The following FER1L6 variants were observed in gnomAD, a reference collection of about 807,000 sequenced individuals.
FER1L6 encodes fer-1 like family member 6, also known as fer-1-like protein 6.
A neutral mutation model predicts 219.2 loss-of-function variants in FER1L6; 177 were observed. The ratio of observed to expected loss-of-function variants is 0.81; its 90% CI spans 0.71 to 0.91. The LOEUF (loss-of-function observed/expected upper bound fraction) is 0.91, where lower values mean the gene tolerates loss of function less well. FER1L6 is among the 40% of genes least tolerant of loss of function. The pLI is 0.00. For missense variants in FER1L6, 2,153 were observed against 2,259.9 expected (o/e 0.95, Z 0.96); for synonymous variants, 768 against 824.3 (o/e 0.93, Z 1.17).
intron 1 of FER1L6, among the ~76,000 whole-genome samples, chr8:123,865,810 G>A (rs1444605940): frequency 4.5e-4 from 64 of 143,724 alleles, no homozygotes; most frequent in African/African-American, 1.1e-3. Context: ...GCGCTTCCCA[G>A]GTGAGGCAAT....
At position 124,103,261 on chromosome 8, in the gene FER1L6, A is replaced by G. The variant is rs1382356970; in HGVS notation, c.5241A>G (p.Gln1747=). The change falls in exon 39 of 41, where the codon CAA becomes CAG. Residue 1747 remains glutamine (Q), a synonymous_variant. Transcript: ENST00000522917. The part of the protein sequence containing the change: ...SEETKISIFQ[Q]KRVRGWWPFS... The stretch of plus-strand genomic sequence containing the variant: ...AGACCAAGATCTCTATATTCCAGCA[A>G]AAACGTGTGCGTGGCTGGTGGCCTT... 2 of 1,614,032 alleles carry G rather than the reference A, an allele frequency of 1.2e-6. No homozygotes were observed. The highest frequency in any genetic ancestry group is 1.7e-6 in the Non-Finnish European group (2 of 1,180,016).
Position 123,886,975 on chromosome 8 carries a change from G to A in FER1L6, c.-8+34790G>A, listed in dbSNP as rs73324122. ...AGGGACCCTTCTGGTCTTAAAGCTCGAAACTCACCAGATCCAGACAATGAG... is the reference window on the plus strand; with the variant it reads ...AGGGACCCTTCTGGTCTTAAAGCTCAAAACTCACCAGATCCAGACAATGAG... On this transcript the variant is annotated intron_variant, in intron 1 of 40. Coordinates refer to ENST00000522917, the MANE Select transcript of FER1L6 (RefSeq NM_001039112.2). Among the ~76,000 whole-genome samples, 304 of 152,090 alleles carry A rather than the reference G, an allele frequency of 2.0e-3. 1 individual carries two copies. The highest frequency in any genetic ancestry group is 6.9e-3 in the African/African-American group (285 of 41,474).
intron 18 of FER1L6, among the ~76,000 whole-genome samples, chr8:124,030,583 T>G (rs1449457277): frequency 6.6e-6 from 1 of 152,066 alleles, no homozygotes; most frequent in African/African-American, 2.4e-5. Flanking sequence ...TCAACCTTCC[T>G]CTTCTCCTTG....
At chr8:124,078,801 A>C (rs1821407585) in intron 32 of FER1L6, among the ~76,000 whole-genome samples, 2 of 152,048 alleles carry the variant, frequency 1.3e-5, no homozygotes, top group African/African-American at 2.4e-5. Context: ...TATGGGTATC[A>C]ATCCGGGTTC....
chr8:123,867,859 C>T (rs1191872735), intron 1 of FER1L6, among the ~76,000 whole-genome samples: 3 of 152,170 alleles, frequency 2.0e-5, no homozygotes, highest in Admixed American at 6.5e-5. Context: ...CAGTGGGGTC[C>T]ACTCTCATTA....
intron 21 of FER1L6, among the ~76,000 whole-genome samples, 187 bp from the exon 22 acceptor site, chr8:124,049,420 C>T (rs1819896140): frequency 6.6e-6 from 1 of 152,018 alleles, no homozygotes; most frequent in African/African-American, 2.4e-5. Flanking sequence ...CTTTTAGGAG[C>T]ATGAGTGGAA....
At chr8:124,067,485 C>T (rs1820874754) in intron 27 of FER1L6, among the ~76,000 whole-genome samples, 2 of 152,108 alleles carry the variant, frequency 1.3e-5, no homozygotes, top group Non-Finnish European at 2.9e-5. Context: ...AGTTTGCTTG[C>T]CTCGTGGCTG....
chr8:123,855,453 C>T (rs1317826967), intron 1 of FER1L6, among the ~76,000 whole-genome samples: 1 of 151,824 alleles, frequency 6.6e-6, no homozygotes, highest in Non-Finnish European at 1.5e-5. Context: ...GGAGGGCAGG[C>T]GTAGAGCAGA....
chr8:124,118,900 T>C lies in FER1L6; in HGVS notation c.5346T>C (p.Pro1782=). The C allele has an allele frequency of 6.2e-7, 1 of 1,614,056 alleles. No individual in the cohort carries two copies. The highest frequency in any genetic ancestry group is 1.1e-5 in the South Asian group (1 of 91,082). ...LVTAEEAEKN[P]VGKARKEPEP... ...CAGCAGAAGAAGCTGAGAAAAATCC[T>C]GTTGGAAAAGCCCGAAAGGAGCCAG... Residue 1782 remains proline (P), a synonymous_variant, in exon 40 of 41, where the codon CCT becomes CCC. Coordinates refer to ENST00000522917, the MANE Select transcript of FER1L6 (RefSeq NM_001039112.2).
At chr8:124,074,501 A>C (rs541815063) in intron 31 of FER1L6, among the ~76,000 whole-genome samples, 1 of 151,468 alleles carries the variant, frequency 6.6e-6, no homozygotes, top group South Asian at 2.1e-4. Context: ...CTGATACAAA[A>C]ATTAGTGGGG....
At chr8:123,881,728 C>T (rs936042180) in intron 1 of FER1L6, among the ~76,000 whole-genome samples, 10 of 152,158 alleles carry the variant, frequency 6.6e-5, no homozygotes, top group South Asian at 2.1e-4. Context: ...GGAGCTGAGT[C>T]GGCCTCGTCT....
At chr8:124,007,139 C>A (rs1817692557) in intron 13 of FER1L6, among the ~76,000 whole-genome samples, 1 of 152,194 alleles carries the variant, frequency 6.6e-6, no homozygotes, top group Non-Finnish European at 1.5e-5. Context: ...GCAGAGCAGA[C>A]CACGGGGCAC....
At chr8:123,867,844 C>T (rs943408724) in intron 1 of FER1L6, among the ~76,000 whole-genome samples, 5 of 152,098 alleles carry the variant, frequency 3.3e-5, no homozygotes, top group African/African-American at 1.2e-4. Flanking sequence ...TTACTAAATG[C>T]CCACCAGTGG....
At chr8:124,042,316 A>G (rs1563761430) in intron 20 of FER1L6, among the ~76,000 whole-genome samples, 1 of 152,246 alleles carries the variant, frequency 6.6e-6, no homozygotes, top group Non-Finnish European at 1.5e-5. Flanking sequence ...TTTTAAGCCA[A>G]GTACCTCATT....
intron 2 of FER1L6, 55 bp downstream of exon 2, chr8:123,956,129 C>T: frequency 6.8e-7 from 1 of 1,478,318 alleles, no homozygotes; most frequent in Non-Finnish European, 9.3e-7. Flanking sequence ...CGCAGAGTGA[C>T]CCCTCCGTGG....
intron 39 of FER1L6, among the ~76,000 whole-genome samples, chr8:124,113,640 A>G (rs910621320): frequency 3.9e-5 from 6 of 152,276 alleles, no homozygotes; most frequent in Middle Eastern, 3.4e-3. Context: ...TTGCATTATT[A>G]TATCTCTTTG....
rs557397245 is a variant in FER1L6 at position 123,965,512 on chromosome 8, CT to C, written c.198-492del. On this transcript the variant is annotated intron_variant, in intron 3 of 40. Transcript: ENST00000522917. ...ATGTGAAATTTCATGGAGATGGTATCTTTAGTCATTCCCTTCAATTTTTTCC... is the reference window on the plus strand; with the variant it reads ...ATGTGAAATTTCATGGAGATGGTATCTTAGTCATTCCCTTCAATTTTTTCC... Among the ~76,000 whole-genome samples, 22 of 152,270 alleles carry C rather than the reference CT, an allele frequency of 1.4e-4. No individual in the cohort carries two copies. In the East Asian group the frequency reaches 3.9e-3, roughly 27 times the overall value.
At chr8:124,097,428 T>C in intron 36 of FER1L6, 69 bp downstream of exon 36, 1 of 1,153,670 alleles carries the variant, frequency 8.7e-7, no homozygotes, top group Non-Finnish European at 1.3e-6. Flanking sequence ...CATGACATTT[T>C]ATCTGGTGTC....
intron 18 of FER1L6, among the ~76,000 whole-genome samples, chr8:124,028,426 TC>T (rs1818805608): frequency 6.6e-6 from 1 of 151,660 alleles, no homozygotes; most frequent in African/African-American, 2.4e-5. Context: ...CCCTTTCTCT[TC>T]ACTGAATGAG....
Sources: gnomAD v4.1 joint callset for allele counts (sites outside exome capture counted in the v4.1 genomes callset) on GRCh38, gnomAD v4.1.1 for gene constraint, MANE v1.5 for transcripts, NCBI Gene and HGNC (gene_info 2026-07-23, HGNC 2026-07-21) for gene names.